STRN: variants seen among roughly 807,000 people sequenced by gnomAD.
The protein encoded by STRN is striatin, also known as protein phosphatase 2 regulatory subunit B'''alpha.
In STRN, 53 loss-of-function variants were observed where a neutral mutation model predicts 96.3. The observed-to-expected ratio is 0.55, with a 90% confidence interval of 0.44 to 0.69. STRN has a LOEUF of 0.69. Among genes scored for constraint, STRN ranks in the 30% least tolerant of loss-of-function variants. The probability of loss-of-function intolerance (pLI) is 0.00; values close to 1 mark genes in which losing one functional copy is unlikely to be tolerated. For synonymous variants in STRN, 428 were observed against 355.9 expected (o/e 1.20, Z -2.28); for missense variants, 987 against 963.9 (o/e 1.02, Z -0.32).
At chr2:36,963,028 T>TC (rs1168824322) in intron 1 of STRN, among the ~76,000 whole-genome samples, 21 of 152,134 alleles carry the variant, frequency 1.4e-4, no homozygotes, top group Non-Finnish European at 4.4e-5. Flanking sequence ...ATTCTTTTTT[T>TC]CCCCCCATGA....
rs767729226 is a variant in STRN, at chr2:36,861,127, C to G, written c.1669+5G>C. The G allele has an allele frequency of 6.2e-7, 1 of 1,612,024 alleles. No individual in the cohort carries two copies. On this transcript the variant is annotated splice_donor_5th_base_variant and intron_variant, in intron 13 of 17. Coordinates refer to ENST00000263918, the MANE Select transcript of STRN (RefSeq NM_003162.4). ...ATTCCTTCAGATCTTTGGGAAATCA[C>G]CTACCATAAGAATCATAGGGGTCGA...
At chr2:36,889,412 A>G (rs1326131678) in intron 7 of STRN, among the ~76,000 whole-genome samples, 1 of 151,914 alleles carries the variant, frequency 6.6e-6, no homozygotes, top group Admixed American at 6.6e-5. Context: ...TAAAAATGTT[A>G]ATTTTCATCA....
intron 1 of STRN, among the ~76,000 whole-genome samples, chr2:36,933,124 C>T (rs1366189980): frequency 6.6e-6 from 1 of 151,614 alleles, no homozygotes; most frequent in African/African-American, 2.4e-5. Context: ...ATGAGTTCTA[C>T]ACCTGCAGAT....
intron 1 of STRN, among the ~76,000 whole-genome samples, chr2:36,962,056 G>A (rs1368723693): frequency 3.9e-5 from 6 of 152,014 alleles, no homozygotes; most frequent in Non-Finnish European, 8.8e-5. Flanking sequence ...AACATTCTAT[G>A]TATTTATTTA....
In STRN at chr2:36,842,568, A is replaced by G. The variant is rs550256757; in HGVS notation, c.*6888T>C. The G allele has an allele frequency of 2.0e-5, 3 of 152,274 alleles. No homozygotes were observed. Among genetic ancestry groups the G allele is most frequent in the Non-Finnish European group, 4.4e-5 (3 of 68,020 alleles). 9.4% of individuals were successfully genotyped at this position (152,274 alleles called of 1,614,324 possible). On this transcript the variant is annotated 3_prime_UTR_variant, in exon 18 of 18. Coordinates refer to ENST00000263918, the MANE Select transcript of STRN (RefSeq NM_003162.4). ...CTTTTCTATGAAATAGGTCCTTCCT[A>G]TCAGTAGGTTATTGCAGACTTTGCT...
rs1244062352 is a variant in STRN, at chr2:36,842,420, T to G, written c.*7036A>C. ...GTGCTGTTTAACAGATGTTTTACTG[T>G]GGGCTCTCCTTTACATCACTGGGTT... On this transcript the variant is annotated 3_prime_UTR_variant, in exon 18 of 18. Coordinates refer to ENST00000263918, the MANE Select transcript of STRN (RefSeq NM_003162.4). 1 of 152,234 alleles carries G rather than the reference T, an allele frequency of 6.6e-6. No individual in the cohort carries two copies. The highest frequency in any genetic ancestry group is 1.5e-5 in the Non-Finnish European group (1 of 68,042). The allele number at this position is 152,234 out of a possible 1,614,324, so 9.4% of individuals were successfully genotyped here. A position where few individuals can be genotyped will look rare whatever the true frequency, so the allele number is the denominator to read the frequency against.
Position 36,878,039 on chromosome 2 carries a change from A to C in STRN, c.1187-12T>G, listed in dbSNP as rs751073394. 1 of 1,611,458 alleles carries C rather than the reference A, an allele frequency of 6.2e-7. No homozygotes were observed. The highest frequency in any genetic ancestry group is 2.2e-5 in the East Asian group (1 of 44,886). Reference sequence around the variant, plus strand: ...TGTCAATGCTTCCACTGAAGAGGGAAGACAAAGGAAACATTAAAAAATCTC... The same window carrying C: ...TGTCAATGCTTCCACTGAAGAGGGACGACAAAGGAAACATTAAAAAATCTC... On this transcript the variant is annotated splice_polypyrimidine_tract_variant and intron_variant, in intron 9 of 17. Transcript: ENST00000263918.
chr2:36,966,148 G>A, intron 1 of STRN, 82 bp downstream of exon 1: 1 of 1,361,952 alleles, frequency 7.3e-7, no homozygotes. Flanking sequence ...GAGAAGGCTG[G>A]GGGAGGGGGA....
chr2:36,890,888 A>C (rs1669378536), intron 7 of STRN, among the ~76,000 whole-genome samples: 1 of 152,238 alleles, frequency 6.6e-6, no homozygotes, highest in Admixed American at 6.5e-5. Context: ...AGCTGGACTT[A>C]GAAGTATAAT....
chr2:36,874,733 A>C (rs925958246), intron 10 of STRN, among the ~76,000 whole-genome samples: 1 of 148,026 alleles, frequency 6.8e-6, no homozygotes, highest in Non-Finnish European at 1.5e-5. Context: ...AAAAAAAAAA[A>C]AAAAAAACAC....
Position 36,847,955 on chromosome 2 carries a change from G to A in STRN, c.*1501C>T, listed in dbSNP as rs1008520126. 4 of 152,150 alleles carry A rather than the reference G, an allele frequency of 2.6e-5. No individual in the cohort carries two copies. Among genetic ancestry groups the A allele is most frequent in the African/African-American group, 7.2e-5 (3 of 41,430 alleles). The allele number at this position is 152,150 out of a possible 1,614,324, so 9.4% of individuals were successfully genotyped here. On this transcript the variant is annotated 3_prime_UTR_variant, in exon 18 of 18. Transcript: ENST00000263918. ...TATGTTTTTTGGTGGAAAGTTGGACGTTAATAATTTATTTCCAATTTCTAG... is the reference window on the plus strand; with the variant it reads ...TATGTTTTTTGGTGGAAAGTTGGACATTAATAATTTATTTCCAATTTCTAG...
intron 1 of STRN, among the ~76,000 whole-genome samples, chr2:36,930,722 T>A: frequency 6.6e-6 from 1 of 151,970 alleles, no homozygotes; most frequent in East Asian, 1.9e-4. Flanking sequence ...AACAGTCTGT[T>A]AAGGAGCAAG....
chr2:36,864,995 G>A (rs1440869695), intron 12 of STRN, among the ~76,000 whole-genome samples: 3 of 152,190 alleles, frequency 2.0e-5, no homozygotes, highest in East Asian at 3.9e-4. Flanking sequence ...GATTACAGGC[G>A]TGAGCCACTG....
intron 1 of STRN, among the ~76,000 whole-genome samples, chr2:36,942,440 C>T (rs1295375563): frequency 6.6e-6 from 1 of 152,164 alleles, no homozygotes; most frequent in Admixed American, 6.5e-5. Context: ...ATTCATTCCA[C>T]TATAATTGGG....
At chr2:36,918,195 C>G (rs1670160428) in intron 2 of STRN, among the ~76,000 whole-genome samples, 1 of 152,060 alleles carries the variant, frequency 6.6e-6, no homozygotes, top group Non-Finnish European at 1.5e-5. Flanking sequence ...CCATCTAGTT[C>G]AATGTATTTG....
intron 1 of STRN, among the ~76,000 whole-genome samples, chr2:36,951,499 T>C (rs1664751464): frequency 6.6e-6 from 1 of 152,242 alleles, no homozygotes; most frequent in Admixed American, 6.5e-5. Context: ...CAAAATATAC[T>C]GTACATTCAC....
At chr2:36,934,702 G>A (rs966546996) in intron 1 of STRN, among the ~76,000 whole-genome samples, 6 of 152,200 alleles carry the variant, frequency 3.9e-5, no homozygotes, top group African/African-American at 7.2e-5. Context: ...AACGGAAGAA[G>A]GCTATCGACA....
rs185302658 is a variant in STRN, at chr2:36,903,972, G to C, written c.492-1221C>G. On this transcript the variant is annotated intron_variant, in intron 4 of 17. Transcript: ENST00000263918. ...TCAAAACTGCTCTTGCCATAGAAAA[G>C]CTGGTTTTACTCAACAGTTACTTCC... Among the ~76,000 whole-genome samples the C allele has an allele frequency of 2.3e-3, 348 of 152,230 alleles. 2 individuals are homozygous for C. The highest frequency in any genetic ancestry group is 3.9e-3 in the Non-Finnish European group (263 of 68,008).
At chr2:36,951,788 C>T (rs930226971) in intron 1 of STRN, among the ~76,000 whole-genome samples, 1 of 152,172 alleles carries the variant, frequency 6.6e-6, no homozygotes, top group Non-Finnish European at 1.5e-5. Flanking sequence ...TGAGATAGGA[C>T]GGGTTCTCAA....
Sources: gnomAD v4.1 joint callset for allele counts (sites outside exome capture counted in the v4.1 genomes callset) on GRCh38, gnomAD v4.1.1 for gene constraint, MANE v1.5 for transcripts, NCBI Gene and HGNC (gene_info 2026-07-23, HGNC 2026-07-21) for gene names.